PTGIS: variants seen among roughly 807,000 people sequenced by gnomAD.
PTGIS encodes prostacyclin synthase.
In PTGIS, 45 loss-of-function variants were observed where a neutral mutation model predicts 50.3. That is an observed-to-expected ratio of 0.90 (90% CI 0.70 to 1.15). The LOEUF is 1.15. Ranked by LOEUF, PTGIS falls within the 50% of genes most tolerant of loss-of-function variation. PTGIS has a pLI of 0.00. For synonymous variants in PTGIS, 260 were observed against 267.7 expected (o/e 0.97, Z 0.28); for missense variants, 668 against 661.3 (o/e 1.01, Z -0.11).
At chr20:49,516,241 G>T (rs1981472203) in intron 6 of PTGIS, among the ~76,000 whole-genome samples, 1 of 152,090 alleles carries the variant, frequency 6.6e-6, no homozygotes, top group South Asian at 2.1e-4. Flanking sequence ...GAAGGAGGCT[G>T]ACTTTCCTTG....
At position 49,568,049 on chromosome 20, in the gene PTGIS, C is replaced by A; in HGVS notation, c.68G>T (p.Arg23Leu). The A allele has an allele frequency of 6.8e-7, 1 of 1,477,756 alleles. No individual in the cohort carries two copies. The highest frequency in any genetic ancestry group is 1.5e-5 in the African/African-American group (1 of 67,716). 91.5% of individuals were successfully genotyped at this position (1,477,756 alleles called of 1,614,324 possible). A position where few individuals can be genotyped will look rare whatever the true frequency, so the allele number is the denominator to read the frequency against. Residue 23 changes from arginine (R) to leucine (L), a missense_variant, in exon 1 of 10, where the codon CGC (arginine) becomes CTC (leucine). Arg to Leu is a moderately radical substitution (Grantham distance 102). Coordinates refer to ENST00000244043, the MANE Select transcript of PTGIS (RefSeq NM_000961.4). ...LLLLLLLSRRRTRRPGEPPLD... is the reference protein window; with the variant it reads ...LLLLLLLSRRLTRRPGEPPLD... ...AGCGGAGCAGGACACTCACCGCGTGCGGCGGCGGCTCAGTAGCAGCAGCAG... is the reference window on the plus strand; with the variant it reads ...AGCGGAGCAGGACACTCACCGCGTGAGGCGGCGGCTCAGTAGCAGCAGCAG...
chr20:49,522,699 GA>G (rs1981682312), intron 6 of PTGIS, among the ~76,000 whole-genome samples: 1 of 152,178 alleles, frequency 6.6e-6, no homozygotes. Flanking sequence ...AATGTAATGA[GA>G]AACAATGAAA....
rs752256653 is a variant in PTGIS at position 49,540,892 on chromosome 20, G to A, written c.522-1171C>T. 1.3e-5 allele frequency among the ~76,000 whole-genome samples: 2 copies of A among 152,144 alleles called. No homozygotes were observed. The highest frequency in any genetic ancestry group is 2.9e-5 in the Non-Finnish European group (2 of 68,022). On this transcript the variant is annotated intron_variant, in intron 4 of 9. Coordinates refer to ENST00000244043, the MANE Select transcript of PTGIS (RefSeq NM_000961.4). This position sits in a 1 kb window ranked among gnomAD's most constrained non-coding sequence, Gnocchi z 4.8. ...CCTCTCACCCTCCCCTTGAGCTCCT[G>A]GATCCCTGTGCAGACAAAGACCAGA...
chr20:49,505,870 C>T lies in PTGIS; in HGVS notation c.*2050G>A, dbSNP rs970398750. 9 of 152,716 alleles carry T rather than the reference C, an allele frequency of 5.9e-5. No homozygotes were observed. The highest frequency in any genetic ancestry group is 2.2e-4 in the African/African-American group (9 of 41,560). The allele number at this position is 152,716 out of a possible 1,614,324, so 9.5% of individuals were successfully genotyped here. A position where few individuals can be genotyped will look rare whatever the true frequency, so the allele number is the denominator to read the frequency against. On this transcript the variant is annotated 3_prime_UTR_variant, in exon 10 of 10. Transcript: ENST00000244043. ...CCTGGGGGTGCCTGGAGGCTGAGGCCCAGGGAAGCCCCCAAACCCCAGTGC... is the reference window on the plus strand; with the variant it reads ...CCTGGGGGTGCCTGGAGGCTGAGGCTCAGGGAAGCCCCCAAACCCCAGTGC...
intron 5 of PTGIS, among the ~76,000 whole-genome samples, chr20:49,536,211 A>C (rs1982063938): frequency 6.6e-6 from 1 of 152,216 alleles, no homozygotes; most frequent in Non-Finnish European, 1.5e-5. Flanking sequence ...GCTTCACAGG[A>C]AGCTGGGCTT....
At chr20:49,552,690 A>C (rs576707007) in intron 1 of PTGIS, among the ~76,000 whole-genome samples, 12 of 152,356 alleles carry the variant, frequency 7.9e-5, no homozygotes, top group African/African-American at 2.6e-4. Flanking sequence ...TTTTAGACCC[A>C]GGAGTCAAAC....
chr20:49,531,885 C>G (rs1259173515), intron 5 of PTGIS, among the ~76,000 whole-genome samples: 1 of 152,174 alleles, frequency 6.6e-6, no homozygotes, highest in Admixed American at 6.5e-5. Context: ...CCTGCCTTGG[C>G]CTCCCAAAGT....
Position 49,550,112 on chromosome 20 carries a change from G to C in PTGIS, c.152C>G (p.Ala51Gly). ...CTCCTTCATCCTCGTGAGGAAGCTGGCAGCATCTTTTCCAAAGTCCAAGGC... is the reference window on the plus strand; with the variant it reads ...CTCCTTCATCCTCGTGAGGAAGCTGCCAGCATCTTTTCCAAAGTCCAAGGC... ...GYALDFGKDA[A>G]SFLTRMKEKH... The change falls in exon 2 of 10, where the codon GCC becomes GGC. Residue 51 changes from alanine (A) to glycine (G), a missense_variant. Ala to Gly is a moderately conservative substitution (Grantham distance 60, BLOSUM62 0). Coordinates refer to ENST00000244043, the MANE Select transcript of PTGIS (RefSeq NM_000961.4). 6.2e-7 allele frequency: 1 copy of C among 1,614,164 alleles called. No homozygotes were observed. The highest frequency in any genetic ancestry group is 8.5e-7 in the Non-Finnish European group (1 of 1,180,036).
chr20:49,567,658 G>T (rs998120010), intron 1 of PTGIS, among the ~76,000 whole-genome samples: 18 of 152,298 alleles, frequency 1.2e-4, no homozygotes, highest in Admixed American at 2.0e-4. Context: ...AGTGGAGAGC[G>T]CTTCTTCCAC....
chr20:49,534,396 G>T (rs1982017706), intron 5 of PTGIS, among the ~76,000 whole-genome samples: 1 of 152,174 alleles, frequency 6.6e-6, no homozygotes, highest in Non-Finnish European at 1.5e-5. Context: ...CAATTAAGAT[G>T]AGAAATCACC....
chr20:49,521,017 ATTTTTGTCTG>A (rs1331522293), intron 6 of PTGIS, among the ~76,000 whole-genome samples: 1 of 152,104 alleles, frequency 6.6e-6, no homozygotes, highest in Non-Finnish European at 1.5e-5. Flanking sequence ...AAGGGCAGGG[ATTTTTGTCTG>A]TTTTGCTCAC....
intron 6 of PTGIS, among the ~76,000 whole-genome samples, chr20:49,518,954 C>T (rs963494732): frequency 6.6e-5 from 10 of 152,094 alleles, no homozygotes; most frequent in Non-Finnish European, 1.5e-4. Context: ...GCTGTGGCTG[C>T]TGAGGATGTG....
intron 3 of PTGIS, 94 bp downstream of exon 3, chr20:49,547,747 C>T (rs1982398034): frequency 1.4e-6 from 2 of 1,407,728 alleles, no homozygotes; most frequent in Admixed American, 1.7e-5. Context: ...CTTTACCGAA[C>T]ATTTGCTTTG....
chr20:49,546,211 G>C (rs1196396034), intron 3 of PTGIS, among the ~76,000 whole-genome samples: 1 of 152,134 alleles, frequency 6.6e-6, no homozygotes, highest in Admixed American at 6.5e-5. Context: ...AAGACATCAC[G>C]CCAGCTTGTA....
intron 8 of PTGIS, 76 bp from the exon 9 acceptor site, chr20:49,511,255 T>C (rs1568667826): frequency 6.5e-7 from 1 of 1,539,540 alleles, no homozygotes; most frequent in Non-Finnish European, 8.9e-7. Flanking sequence ...ATGAGGATGT[T>C]CATGACAGTC....
intron 6 of PTGIS, among the ~76,000 whole-genome samples, chr20:49,514,852 C>T (rs1237693595): frequency 6.6e-6 from 1 of 152,196 alleles, no homozygotes; most frequent in East Asian, 1.9e-4. Flanking sequence ...AATTTATGCT[C>T]AGCCGTGGAC....
chr20:49,557,563 GA>G (rs35107943), intron 1 of PTGIS, among the ~76,000 whole-genome samples: 131,273 of 148,550 alleles, frequency 0.88, 58,092 homozygotes, highest in African/African-American at 0.97. Context: ...AGAAAGAAAA[GA>G]AAAAAAAAAA....
At chr20:49,561,740 C>T (rs949421462) in intron 1 of PTGIS, among the ~76,000 whole-genome samples, 1 of 152,154 alleles carries the variant, frequency 6.6e-6, no homozygotes. Context: ...AAAATGGAAG[C>T]AATAATGCTA....
chr20:49,524,924 T>C (rs1981757209), intron 5 of PTGIS, among the ~76,000 whole-genome samples: 1 of 152,078 alleles, frequency 6.6e-6, no homozygotes, highest in African/African-American at 2.4e-5. Context: ...ACAGCAAAAC[T>C]ATATCATGCA....
Sources: allele counts gnomAD v4.1 joint callset (sites outside exome capture counted in the v4.1 genomes callset), GRCh38; gene constraint gnomAD v4.1.1; non-coding constraint Gnocchi (gnomAD v3.1); transcripts MANE v1.5; gene names NCBI Gene and HGNC (gene_info 2026-07-23, HGNC 2026-07-21).